Variants in ELK3 observed in about 807,000 individuals in gnomAD.
ELK3 encodes ETS transcription factor ELK3.
A neutral mutation model predicts 28.9 loss-of-function variants in ELK3; 10 were observed. That is an observed-to-expected ratio of 0.35 (90% CI 0.21 to 0.59). The LOEUF (loss-of-function observed/expected upper bound fraction) is 0.59. Ranked by LOEUF, ELK3 falls within the 20% of genes least tolerant of loss-of-function variation. The pLI, the probability that ELK3 is intolerant of heterozygous loss-of-function variation, is 0.82. For missense variants in ELK3, 463 were observed against 517.3 expected (o/e 0.90, Z 1.02); for synonymous variants, 272 against 243.5 (o/e 1.12, Z -1.09).
intron 1 of ELK3, 142 bp from the exon 2 acceptor site, chr12:96,223,423 T>C: frequency 5.6e-6 from 4 of 714,418 alleles, no homozygotes; most frequent in Non-Finnish European, 9.4e-6. Context: ...CCCCTTGAGA[T>C]GGAAGTGAAA....
chr12:96,199,934 CTATT>C (rs752745927), intron 1 of ELK3, among the ~76,000 whole-genome samples: 52 of 152,056 alleles, frequency 3.4e-4, no homozygotes, highest in Admixed American at 2.8e-3. Context: ...AAACAAGGAT[CTATT>C]TATGACACAT....
At chr12:96,218,690 C>G (rs558231448) in intron 1 of ELK3, among the ~76,000 whole-genome samples, 1 of 148,832 alleles carries the variant, frequency 6.7e-6, no homozygotes, top group South Asian at 2.1e-4. Flanking sequence ...GCTCTGTCAC[C>G]TAGGCTGGAG....
intron 4 of ELK3, among the ~76,000 whole-genome samples, chr12:96,262,323 A>G (rs757542241): frequency 1.3e-5 from 2 of 152,124 alleles, no homozygotes; most frequent in African/African-American, 4.8e-5. Flanking sequence ...CTGGCCCAAA[A>G]ACATTTTTGT....
In ELK3 at chr12:96,267,236, G is replaced by A. The variant is rs2302901; in HGVS notation, c.*56G>A. On this transcript the variant is annotated 3_prime_UTR_variant, in exon 5 of 5. Coordinates refer to ENST00000228741, the MANE Select transcript of ELK3 (RefSeq NM_005230.4). ...ACTGATGAAACAAATTTGTCCCCAC[G>A]GGCTAGTTTACCTGTGTCGTGAGAA... 67,475 of 1,493,798 alleles carry A rather than the reference G, an allele frequency of 0.045. 1,913 individuals are homozygous for A. Among genetic ancestry groups the A allele is most frequent in the East Asian group, 0.12 (5,331 of 42,854 alleles). 92.5% of individuals were successfully genotyped at this position (1,493,798 alleles called of 1,614,324 possible).
rs1382647766 is a variant in ELK3, at chr12:96,207,827, AT to A, written c.-3+13123del. Among the ~76,000 whole-genome samples, 3 of 152,380 alleles carry A rather than the reference AT, an allele frequency of 2.0e-5. No individual in the cohort carries two copies. In the East Asian group the frequency reaches 5.8e-4, roughly 29 times the overall value. On this transcript the variant is annotated intron_variant, in intron 1 of 4. Transcript: ENST00000228741. ...CTTCAGAAAAAGAAAGAAAAGATGA[AT>A]AATGCAATTAACCCTTTGTATAATA... is the stretch of plus-strand genomic sequence containing the variant.
chr12:96,228,752 G>A (rs1015710017), intron 2 of ELK3, among the ~76,000 whole-genome samples: 1 of 152,188 alleles, frequency 6.6e-6, no homozygotes, highest in Admixed American at 6.5e-5. Flanking sequence ...CTTCTGGACT[G>A]TCTTAGTGAC....
At chr12:96,259,925 G>GT in intron 4 of ELK3, 72 bp downstream of exon 4, 1 of 1,490,196 alleles carries the variant, frequency 6.7e-7, no homozygotes, top group Non-Finnish European at 8.9e-7. Flanking sequence ...TCCTGCAGAG[G>GT]TAACGGTGAG....
intron 2 of ELK3, among the ~76,000 whole-genome samples, chr12:96,230,613 C>T (rs941943176): frequency 6.6e-6 from 1 of 152,196 alleles, no homozygotes; most frequent in Non-Finnish European, 1.5e-5. Flanking sequence ...AAGAGGAGTC[C>T]TGCCTTGGAG....
chr12:96,218,102 AAGG>A (rs1157384764), intron 1 of ELK3, among the ~76,000 whole-genome samples: 1 of 152,120 alleles, frequency 6.6e-6, no homozygotes, highest in Non-Finnish European at 1.5e-5. Context: ...TACAAAGGGA[AAGG>A]AGTTGGGGCA....
intron 2 of ELK3, among the ~76,000 whole-genome samples, chr12:96,227,742 G>T (rs1951714036): frequency 6.6e-6 from 1 of 152,224 alleles, no homozygotes; most frequent in Non-Finnish European, 1.5e-5. Context: ...TAGTTACAGA[G>T]TGAGCTCCAG....
intron 1 of ELK3, among the ~76,000 whole-genome samples, chr12:96,199,041 T>C (rs1487799647): frequency 6.6e-6 from 1 of 152,190 alleles, no homozygotes. Context: ...TGCTGCCCTC[T>C]TGAAAGACTG....
chr12:96,259,896 G>C, intron 4 of ELK3, 43 bp downstream of exon 4: 1 of 1,536,428 alleles, frequency 6.5e-7, no homozygotes, highest in Non-Finnish European at 8.7e-7. Context: ...AGCTTCTGAG[G>C]GATGGTTTTT....
chr12:96,230,986 A>T (rs7307477), intron 2 of ELK3, among the ~76,000 whole-genome samples: 43 of 152,298 alleles, frequency 2.8e-4, no homozygotes, highest in African/African-American at 9.9e-4. Context: ...CCGGGTATGG[A>T]TGAAAGGCCC....
intron 2 of ELK3, among the ~76,000 whole-genome samples, chr12:96,237,337 G>A (rs778781357): frequency 5.3e-5 from 8 of 152,160 alleles, no homozygotes; most frequent in Non-Finnish European, 8.8e-5. Flanking sequence ...TTGGGAGGCC[G>A]AGGTGAGAGG....
At chr12:96,232,440 T>G (rs933165360) in intron 2 of ELK3, among the ~76,000 whole-genome samples, 92 of 151,036 alleles carry the variant, frequency 6.1e-4, no homozygotes, top group African/African-American at 2.2e-3. Flanking sequence ...CATGGTGGTG[T>G]GCGCCTATAA....
At chr12:96,203,663 G>A (rs184266000) in intron 1 of ELK3, among the ~76,000 whole-genome samples, 2 of 152,134 alleles carry the variant, frequency 1.3e-5, no homozygotes, top group East Asian at 3.9e-4. Flanking sequence ...AAGACAGGCT[G>A]GGCGCGGTGG....
At chr12:96,215,655 A>T (rs1279932287) in intron 1 of ELK3, among the ~76,000 whole-genome samples, 2 of 144,794 alleles carry the variant, frequency 1.4e-5, no homozygotes, top group African/African-American at 5.1e-5. Context: ...TTTTTTAAAG[A>T]GAGATGGTCT....
chr12:96,268,356 G>C lies in ELK3; in HGVS notation c.*1176G>C, dbSNP rs556630919. 5.3e-5 allele frequency: 8 copies of C among 152,320 alleles called. No homozygotes were observed. In the South Asian group the frequency reaches 6.2e-4, roughly 12 times the overall value. 9.4% of individuals were successfully genotyped at this position (152,320 alleles called of 1,614,324 possible). On this transcript the variant is annotated 3_prime_UTR_variant, in exon 5 of 5. Coordinates refer to ENST00000228741, the MANE Select transcript of ELK3 (RefSeq NM_005230.4). ...TGTATTACTAAAGTTAGGGGAGAAT[G>C]AAGGAAATCTGACAGATGAAAAATT...
intron 4 of ELK3, among the ~76,000 whole-genome samples, chr12:96,260,084 G>A (rs1317865203): frequency 2.6e-5 from 4 of 152,162 alleles, no homozygotes; most frequent in Non-Finnish European, 1.5e-5. Flanking sequence ...AGTTCTTAAA[G>A]TGTTTTGCAT....
Sources: allele counts gnomAD v4.1 joint callset (sites outside exome capture counted in the v4.1 genomes callset), GRCh38; gene constraint gnomAD v4.1.1; transcripts MANE v1.5; gene names NCBI Gene and HGNC (gene_info 2026-07-23, HGNC 2026-07-21).